The following CHST8 variants were observed in gnomAD, a reference collection of about 807,000 sequenced individuals.
CHST8 encodes carbohydrate sulfotransferase 8.
Under a neutral mutation model 15.0 loss-of-function variants are expected in CHST8, and 10 were observed. That is an observed-to-expected ratio of 0.67 (90% CI 0.41 to 1.13). The LOEUF is 1.13. Among genes scored for constraint, CHST8 ranks in the 50% most tolerant of loss-of-function variants. CHST8 has a pLI of 0.00. For missense variants in CHST8, 634 were observed against 608.2 expected, an observed-to-expected ratio of 1.04 and a Z score of -0.45; for synonymous variants, 259 against 256.6, an observed-to-expected ratio of 1.01 and a Z score of -0.09.
At chr19:33,746,031 T>C (rs758883177) in intron 3 of CHST8, among the ~76,000 whole-genome samples, 1 of 152,228 alleles carries the variant, frequency 6.6e-6, no homozygotes, top group Non-Finnish European at 1.5e-5. Flanking sequence ...TCAAGGATCA[T>C]TGAAAATTAA....
In CHST8 at chr19:33,657,156, C is replaced by CACACACAAAAAA. The variant is rs756944119; in HGVS notation, c.-163-10610_-163-10609insCACACAAAAAAA. Among the ~76,000 whole-genome samples the CACACACAAAAAA allele has an allele frequency of 3.4e-5, 5 of 146,402 alleles. 1 individual carries two copies. The highest frequency in any genetic ancestry group is 7.4e-5 in the Non-Finnish European group (5 of 67,592). ...ACACACACACACACACACACACACA[C>CACACACAAAAAA]AAACACACATATACTTATACACACA... On this transcript the variant is annotated intron_variant, in intron 1 of 4. Transcript: ENST00000650847.
At chr19:33,763,266 C>T (rs762915328) in intron 3 of CHST8, among the ~76,000 whole-genome samples, 2 of 152,242 alleles carry the variant, frequency 1.3e-5, no homozygotes, top group Non-Finnish European at 2.9e-5. Flanking sequence ...TAAGCCTTTG[C>T]TCTGGTCTGA....
intron 3 of CHST8, among the ~76,000 whole-genome samples, chr19:33,766,184 C>T (rs1020867169): frequency 6.6e-6 from 1 of 151,950 alleles, no homozygotes; most frequent in Non-Finnish European, 1.5e-5. Flanking sequence ...CTCCCTGTCT[C>T]GCTTCCCTCT....
chr19:33,623,257 C>T (rs2145428250), intron 1 of CHST8, among the ~76,000 whole-genome samples: 1 of 152,338 alleles, frequency 6.6e-6, no homozygotes, highest in Middle Eastern at 3.4e-3. Context: ...TGTTTTAACC[C>T]AGAAGTAGGC....
At chr19:33,759,191 T>C (rs1376194443) in intron 3 of CHST8, among the ~76,000 whole-genome samples, 4 of 152,142 alleles carry the variant, frequency 2.6e-5, no homozygotes, top group African/African-American at 7.2e-5. Flanking sequence ...CGGGGACGAA[T>C]GTCCAAACTA....
At chr19:33,720,125 G>A (rs1973755987) in intron 3 of CHST8, among the ~76,000 whole-genome samples, 1 of 152,124 alleles carries the variant, frequency 6.6e-6, no homozygotes, top group South Asian at 2.1e-4. Flanking sequence ...ACGGAAGAAG[G>A]GCATGGGCAG....
chr19:33,699,703 G>A (rs1973293719), intron 3 of CHST8, among the ~76,000 whole-genome samples: 1 of 152,174 alleles, frequency 6.6e-6, no homozygotes, highest in Non-Finnish European at 1.5e-5. Flanking sequence ...CCTGGAGGCA[G>A]CGCTGTGTTG....
At position 33,772,178 on chromosome 19, in the gene CHST8, G is replaced by A; in HGVS notation, c.390G>A (p.Ser130=). ...CGGCGACCATCCCGGCCAACAGCTC[G>A]GACGCGCCCTTCATCCGGCCGGGAC... The part of the protein sequence containing the change: ...PAAATIPANS[S]DAPFIRPGPG... The change falls in exon 5 of 5, where the codon TCG becomes TCA. Residue 130 remains serine (S), a synonymous_variant. Coordinates refer to ENST00000650847, the MANE Select transcript of CHST8 (RefSeq NM_001127895.2). 1 of 1,598,194 alleles carries A rather than the reference G, an allele frequency of 6.3e-7. No individual in the cohort carries two copies. Among genetic ancestry groups the A allele is most frequent in the Non-Finnish European group, 8.5e-7 (1 of 1,174,384 alleles).
At chr19:33,760,775 A>C (rs142984636) in intron 3 of CHST8, among the ~76,000 whole-genome samples, 1 of 152,174 alleles carries the variant, frequency 6.6e-6, no homozygotes, top group East Asian at 1.9e-4. Flanking sequence ...CACCTGCAAC[A>C]CTGAGCTAGC....
chr19:33,634,141 A>G (rs1212503061), intron 1 of CHST8, among the ~76,000 whole-genome samples: 1 of 152,072 alleles, frequency 6.6e-6, no homozygotes, highest in African/African-American at 2.4e-5. Context: ...CTGTTTTCTA[A>G]AGGGGTCGTA....
At chr19:33,686,731 G>A (rs1225491941) in intron 2 of CHST8, among the ~76,000 whole-genome samples, 1 of 152,182 alleles carries the variant, frequency 6.6e-6, no homozygotes, top group Non-Finnish European at 1.5e-5. Flanking sequence ...GAGGCTGCAG[G>A]AAGCGCACCC....
chr19:33,739,301 A>G (rs1231090684), intron 3 of CHST8, among the ~76,000 whole-genome samples: 1 of 152,054 alleles, frequency 6.6e-6, no homozygotes, highest in Non-Finnish European at 1.5e-5. Context: ...CAAGCAGAGG[A>G]AAATTAGCTC....
chr19:33,703,474 C>T (rs766381533), intron 3 of CHST8, among the ~76,000 whole-genome samples: 6 of 152,240 alleles, frequency 3.9e-5, no homozygotes, highest in Non-Finnish European at 5.9e-5. Flanking sequence ...GAAAAAGTTA[C>T]GGTGGTAGTT....
intron 3 of CHST8, among the ~76,000 whole-genome samples, chr19:33,758,218 T>G (rs1974644239): frequency 6.9e-6 from 1 of 145,960 alleles, no homozygotes; most frequent in Non-Finnish European, 1.5e-5. Context: ...ACACTGGAGA[T>G]GTTGGTGTAG....
chr19:33,703,155 G>A (rs892891055), intron 3 of CHST8, among the ~76,000 whole-genome samples: 2 of 152,228 alleles, frequency 1.3e-5, no homozygotes, highest in East Asian at 3.9e-4. Context: ...AAAGAGGCCC[G>A]AGGTAGGGGG....
At chr19:33,771,736 C>T (rs944507816) in intron 4 of CHST8, among the ~76,000 whole-genome samples, 2 of 152,158 alleles carry the variant, frequency 1.3e-5, no homozygotes, top group African/African-American at 4.8e-5. Flanking sequence ...CTGGGAGGAC[C>T]GCGCCATCTT....
chr19:33,772,566 C>T lies in CHST8; in HGVS notation c.778C>T (p.Pro260Ser). The change falls in exon 5 of 5, where the codon CCC becomes TCC. Residue 260 changes from proline (P) to serine (S), a missense_variant. Physicochemically the swap from Pro to Ser is moderately conservative, Grantham distance 74. Coordinates refer to ENST00000650847, the MANE Select transcript of CHST8 (RefSeq NM_001127895.2). ...TYTKMLFVRE[P>S]FERLVSAFRD... ...CACCAAGATGCTCTTTGTCCGCGAG[C>T]CCTTCGAGAGGCTGGTGTCCGCCTT... The T allele has an allele frequency of 6.2e-7, 1 of 1,614,126 alleles. No homozygotes were observed. Among genetic ancestry groups the T allele is most frequent in the Non-Finnish European group, 8.5e-7 (1 of 1,180,040 alleles).
intron 3 of CHST8, among the ~76,000 whole-genome samples, chr19:33,757,109 G>T (rs1178950169): frequency 6.6e-6 from 1 of 152,292 alleles, no homozygotes. Context: ...GGCCATTCAG[G>T]ATGGGCGCAG....
At chr19:33,655,970 T>A (rs761097077) in intron 1 of CHST8, among the ~76,000 whole-genome samples, 58 of 152,192 alleles carry the variant, frequency 3.8e-4, no homozygotes, top group Non-Finnish European at 7.9e-4. Context: ...GTCCAGGTCA[T>A]GTATTATCTT....
Sources: allele counts gnomAD v4.1 joint callset (sites outside exome capture counted in the v4.1 genomes callset), GRCh38; gene constraint gnomAD v4.1.1; transcripts MANE v1.5; gene names NCBI Gene and HGNC (gene_info 2026-07-23, HGNC 2026-07-21).